The following PLCL2 variants were observed in gnomAD, a reference collection of about 807,000 sequenced individuals.
PLCL2 encodes the protein phospholipase C like 2.
In PLCL2, 4 loss-of-function variants were observed where a neutral mutation model predicts 79.6. The observed-to-expected ratio is 0.05, with a 90% CI of 0.02 to 0.11. The LOEUF (loss-of-function observed/expected upper bound fraction) is 0.11. Ranked by LOEUF, PLCL2 falls within the 10% of genes least tolerant of loss-of-function variation. The pLI is 1.00. For missense variants in PLCL2, 895 were observed against 1,291.0 expected (o/e 0.69, Z 4.70); for synonymous variants, 484 against 457.7 (o/e 1.06, Z -0.73).
intron 1 of PLCL2, among the ~76,000 whole-genome samples, chr3:16,961,058 T>C (rs2063749741): frequency 6.6e-6 from 1 of 152,218 alleles, no homozygotes; most frequent in Non-Finnish European, 1.5e-5. Flanking sequence ...ATTAAAGCAA[T>C]GTTTTCTAAA....
intron 1 of PLCL2, among the ~76,000 whole-genome samples, chr3:16,916,739 G>A (rs1473384678): frequency 6.6e-6 from 1 of 152,086 alleles, no homozygotes; most frequent in East Asian, 1.9e-4. Context: ...ATTACTTAAA[G>A]AGACCTAAAC....
intron 4 of PLCL2, among the ~76,000 whole-genome samples, chr3:17,043,177 A>G (rs1317185463): frequency 2.6e-5 from 4 of 152,188 alleles, no homozygotes; most frequent in African/African-American, 9.6e-5. Flanking sequence ...GGGGCTGGGA[A>G]TTAATAACTA....
intron 4 of PLCL2, among the ~76,000 whole-genome samples, chr3:17,048,249 G>A (rs1487355804): frequency 6.6e-6 from 1 of 152,160 alleles, no homozygotes. Flanking sequence ...CTTAACAAGT[G>A]TTCTGTTTGA....
intron 1 of PLCL2, among the ~76,000 whole-genome samples, chr3:16,994,504 G>A (rs1194338193): frequency 6.6e-6 from 1 of 152,026 alleles, no homozygotes; most frequent in African/African-American, 2.4e-5. Context: ...TCTTTCATTT[G>A]CATATAACAC....
At chr3:16,924,271 C>G (rs1182517512) in intron 1 of PLCL2, among the ~76,000 whole-genome samples, 2 of 152,074 alleles carry the variant, frequency 1.3e-5, no homozygotes, top group Admixed American at 1.3e-4. Flanking sequence ...TTTGTTGCTG[C>G]TTATTGTAGT....
chr3:16,988,521 G>A (rs921568794), intron 1 of PLCL2, among the ~76,000 whole-genome samples: 4 of 152,018 alleles, frequency 2.6e-5, no homozygotes, highest in East Asian at 1.9e-4. Flanking sequence ...CGGTGGCTGC[G>A]GTCTGGGTAG....
At chr3:17,041,297 T>C (rs557103689) in intron 3 of PLCL2, among the ~76,000 whole-genome samples, 1 of 152,282 alleles carries the variant, frequency 6.6e-6, no homozygotes, top group East Asian at 1.9e-4. Flanking sequence ...GTGGACTTCT[T>C]GAGGACAGGG....
At chr3:17,002,889 C>T (rs2064224775) in intron 1 of PLCL2, among the ~76,000 whole-genome samples, 1 of 151,914 alleles carries the variant, frequency 6.6e-6, no homozygotes, top group Non-Finnish European at 1.5e-5. Flanking sequence ...GCTTATTACC[C>T]TATCAAGGAA....
At position 17,055,427 on chromosome 3, in the gene PLCL2, C is replaced by T. The variant is rs971291198; in HGVS notation, c.3094+12478C>T. On this transcript the variant is annotated intron_variant, in intron 4 of 5. Transcript: ENST00000615277. ...ACCACAAAGACAACAACTAGGCCAA[C>T]TCATTCAGAGCAAAAACTTCAAAAT... Among the ~76,000 whole-genome samples, 23 of 152,188 alleles carry T rather than the reference C, an allele frequency of 1.5e-4. 1 individual carries two copies. The highest frequency in any genetic ancestry group is 1.1e-3 in the Admixed American group (17 of 15,268).
At chr3:16,925,930 A>T (rs1469070949) in intron 1 of PLCL2, among the ~76,000 whole-genome samples, 1 of 152,158 alleles carries the variant, frequency 6.6e-6, no homozygotes, top group African/African-American at 2.4e-5. Context: ...CTCTATATTT[A>T]GTTTTTTGAA....
intron 1 of PLCL2, among the ~76,000 whole-genome samples, chr3:16,959,580 A>G (rs2063736700): frequency 6.6e-6 from 1 of 151,954 alleles, no homozygotes; most frequent in African/African-American, 2.4e-5. Flanking sequence ...TCAGGAAGAA[A>G]AGAGCATGGA....
chr3:16,971,708 A>C (rs2063870371), intron 1 of PLCL2, among the ~76,000 whole-genome samples: 1 of 152,002 alleles, frequency 6.6e-6, no homozygotes, highest in Non-Finnish European at 1.5e-5. Context: ...ATTTGTTTGT[A>C]TCCTCTTTTA....
intron 1 of PLCL2, among the ~76,000 whole-genome samples, chr3:17,002,373 A>G (rs1450494265): frequency 1.3e-5 from 2 of 152,068 alleles, no homozygotes; most frequent in East Asian, 3.9e-4. Context: ...TTGCCTAATT[A>G]CTCTGGCTAG....
intron 1 of PLCL2, among the ~76,000 whole-genome samples, chr3:16,935,153 G>A (rs1481213983): frequency 6.6e-6 from 1 of 152,170 alleles, no homozygotes; most frequent in African/African-American, 2.4e-5. Flanking sequence ...ATTTCTGTGA[G>A]TACTGGCAAA....
At chr3:17,073,432 T>G (rs1420171867) in intron 5 of PLCL2, among the ~76,000 whole-genome samples, 1 of 152,194 alleles carries the variant, frequency 6.6e-6, no homozygotes, top group Non-Finnish European at 1.5e-5. Flanking sequence ...TGTAATCCTT[T>G]TGCTGGTGGA....
rs575486498 is a variant in PLCL2, at chr3:16,967,813, T to G, written c.328-41861T>G. Among the ~76,000 whole-genome samples the G allele has an allele frequency of 8.5e-5, 13 of 152,244 alleles. No individual in the cohort carries two copies. In the East Asian group the frequency reaches 2.5e-3, roughly 29 times the overall value. On this transcript the variant is annotated intron_variant, in intron 1 of 5. Coordinates refer to ENST00000615277, the MANE Select transcript of PLCL2 (RefSeq NM_001144382.2). ...TATTTTTTGTTGCAATTGCTTTTGG[T>G]GTCTTCATCATGAAATTTTTGCCAA...
chr3:16,960,119 A>C (rs1188014690), intron 1 of PLCL2, among the ~76,000 whole-genome samples: 1 of 152,092 alleles, frequency 6.6e-6, no homozygotes, highest in Non-Finnish European at 1.5e-5. Flanking sequence ...AAAAAAGTTC[A>C]TCTTCTCCAT....
intron 4 of PLCL2, among the ~76,000 whole-genome samples, chr3:17,044,788 A>C (rs1031691040): frequency 2.6e-5 from 4 of 152,198 alleles, no homozygotes; most frequent in African/African-American, 9.7e-5. Context: ...GTTATTGTCA[A>C]TTCACTGGTT....
At chr3:16,954,528 T>C (rs1430403312) in intron 1 of PLCL2, among the ~76,000 whole-genome samples, 1 of 152,040 alleles carries the variant, frequency 6.6e-6, no homozygotes, top group Non-Finnish European at 1.5e-5. Context: ...TTATAATCCT[T>C]TGGGTATATA....
Sources: gnomAD v4.1 joint callset for allele counts (sites outside exome capture counted in the v4.1 genomes callset) on GRCh38, gnomAD v4.1.1 for gene constraint, MANE v1.5 for transcripts, NCBI Gene and HGNC (gene_info 2026-07-23, HGNC 2026-07-21) for gene names.